The following COA8 variants were observed in gnomAD, a reference collection of about 807,000 sequenced individuals.
COA8 encodes UPF0671 protein C14orf153.
In COA8, 20 loss-of-function variants were observed where a neutral mutation model predicts 22.0. That is an observed-to-expected ratio of 0.91 (90% CI 0.64 to 1.32). The LOEUF is 1.32. Among genes scored for constraint, COA8 ranks in the 40% most tolerant of loss-of-function variants. The pLI is 0.00. For missense variants in COA8, 266 were observed against 230.0 expected, an observed-to-expected ratio of 1.16 and a Z score of -1.01; for synonymous variants, 105 against 79.9, an observed-to-expected ratio of 1.31 and a Z score of -1.68.
Position 103,585,304 on chromosome 14 carries a change from C to A in COA8, c.386-1970C>A, listed in dbSNP as rs182991250. ...GACCAGCCTGACCAACATGGAGAAACCCGTCTCTACTAAAACTACAAAAAA... is the reference window on the plus strand; with the variant it reads ...GACCAGCCTGACCAACATGGAGAAAACCGTCTCTACTAAAACTACAAAAAA... On this transcript the variant is annotated intron_variant, in intron 3 of 4. Coordinates refer to ENST00000409074, the MANE Select transcript of COA8 (RefSeq NM_001370595.2). Among the ~76,000 whole-genome samples, 1,369 of 151,404 alleles carry A rather than the reference C, an allele frequency of 9.0e-3. 24 individuals carry two copies. Among genetic ancestry groups the A allele is most frequent in the African/African-American group, 0.032 (1,324 of 41,314 alleles).
intron 3 of COA8, among the ~76,000 whole-genome samples, chr14:103,579,760 C>T (rs932827274): frequency 3.3e-5 from 5 of 151,120 alleles, no homozygotes; most frequent in African/African-American, 4.8e-5. Flanking sequence ...GTCAGGAGTT[C>T]GAGACCAGCC....
At chr14:103,566,701 C>T (rs1255799214) in intron 1 of COA8, among the ~76,000 whole-genome samples, 4 of 152,210 alleles carry the variant, frequency 2.6e-5, no homozygotes, top group Non-Finnish European at 4.4e-5. Context: ...AGTGCTTGGC[C>T]TTTGCATGGT....
intron 3 of COA8, among the ~76,000 whole-genome samples, chr14:103,586,849 G>A (rs748209782): frequency 1.3e-5 from 2 of 151,872 alleles, no homozygotes; most frequent in African/African-American, 2.4e-5. Context: ...GATTACAGGC[G>A]TGAGTCACCA....
Position 103,590,188 on chromosome 14 carries a change from TAC to T in COA8, c.486_487del (p.Tyr162Ter). On this transcript the variant is annotated frameshift_variant, in exon 5 of 5. Coordinates refer to ENST00000409074, the MANE Select transcript of COA8 (RefSeq NM_001370595.2). LOFTEE classifies it high-confidence loss of function. The part of the protein sequence containing the change: ...QKHMYYNRDW[Y>X]KRNFAITFFM... ...TCCTCTGTTTCTCTACAGAGATTGG[TAC>T]AAGCGCAATTTTGCCATCACCTTCT... is the stretch of plus-strand genomic sequence containing the variant. 6.2e-7 allele frequency: 1 copy of T among 1,614,026 alleles called. No homozygotes were observed. Among genetic ancestry groups the T allele is most frequent in the Non-Finnish European group, 8.5e-7 (1 of 1,179,934 alleles).
intron 3 of COA8, among the ~76,000 whole-genome samples, chr14:103,583,195 T>C (rs960658303): frequency 3.3e-5 from 5 of 152,198 alleles, no homozygotes; most frequent in Admixed American, 3.3e-4. Flanking sequence ...CTATTATGAA[T>C]TATGCTACTG....
intron 1 of COA8, among the ~76,000 whole-genome samples, chr14:103,568,935 A>G (rs1433660757): frequency 6.6e-6 from 1 of 152,126 alleles, no homozygotes; most frequent in Admixed American, 6.6e-5. Context: ...CCCGGCTGAA[A>G]AAAGATTTTC....
chr14:103,583,477 G>C (rs1422755549), intron 3 of COA8, among the ~76,000 whole-genome samples: 1 of 149,410 alleles, frequency 6.7e-6, no homozygotes, highest in Non-Finnish European at 1.5e-5. Flanking sequence ...GGGAGGTGGA[G>C]GTTGCAGTGA....
intron 3 of COA8, among the ~76,000 whole-genome samples, chr14:103,583,960 G>C (rs2076287131): frequency 6.6e-6 from 1 of 152,256 alleles, no homozygotes; most frequent in Non-Finnish European, 1.5e-5. Flanking sequence ...CCAGATAGCA[G>C]AGATGCACAT....
intron 3 of COA8, among the ~76,000 whole-genome samples, chr14:103,578,795 C>T (rs1291321744): frequency 6.6e-6 from 1 of 152,174 alleles, no homozygotes; most frequent in Admixed American, 6.5e-5. Flanking sequence ...TCAATGGAGT[C>T]AGGTGGCAGC....
At chr14:103,585,886 G>T (rs1354890624) in intron 3 of COA8, among the ~76,000 whole-genome samples, 5 of 145,392 alleles carry the variant, frequency 3.4e-5, no homozygotes, top group African/African-American at 1.3e-4. Flanking sequence ...GCCCTTTTTT[G>T]TTGTTTTTTG....
chr14:103,565,022 C>T (rs1017622700), intron 1 of COA8, among the ~76,000 whole-genome samples: 2 of 152,178 alleles, frequency 1.3e-5, no homozygotes, highest in Admixed American at 6.5e-5. Context: ...GGCGCAGTCT[C>T]GGCTCACTGC....
chr14:103,565,492 C>T (rs2076129212), intron 1 of COA8, among the ~76,000 whole-genome samples: 1 of 152,062 alleles, frequency 6.6e-6, no homozygotes, highest in Non-Finnish European at 1.5e-5. Context: ...ATTAGTCTGA[C>T]TCTTTTAGTT....
At position 103,571,932 on chromosome 14, in the gene COA8, C is replaced by G; in HGVS notation, c.321+112C>G. 1.4e-5 allele frequency: 12 copies of G among 870,522 alleles called. No individual in the cohort carries two copies. The South Asian group carries it at 2.0e-4, about 14-fold the overall frequency. 53.9% of individuals were successfully genotyped at this position (870,522 alleles called of 1,614,324 possible). ...CACGAGGTCAGGAGATCGAGACCAT[C>G]CTGGCTAACACGGTGAAACCCTGTC... On this transcript the variant is annotated intron_variant, in intron 2 of 4. Coordinates refer to ENST00000409074, the MANE Select transcript of COA8 (RefSeq NM_001370595.2).
At chr14:103,580,254 A>T (rs1025217869) in intron 3 of COA8, among the ~76,000 whole-genome samples, 10 of 149,892 alleles carry the variant, frequency 6.7e-5, no homozygotes, top group African/African-American at 9.8e-5. Context: ...TTTAAAAAAA[A>T]ATTTTTTTGT....
At chr14:103,566,906 C>T (rs1359347560) in intron 1 of COA8, among the ~76,000 whole-genome samples, 2 of 152,194 alleles carry the variant, frequency 1.3e-5, no homozygotes, top group East Asian at 1.9e-4. Context: ...CCACAAATAA[C>T]CATATTTTTC....
intron 4 of COA8, among the ~76,000 whole-genome samples, chr14:103,588,799 G>A (rs772612073): frequency 3.9e-5 from 6 of 152,124 alleles, no homozygotes; most frequent in Non-Finnish European, 5.9e-5. Flanking sequence ...CCGAGATCCC[G>A]CTACTGCACT....
chr14:103,589,613 C>T (rs953858457), intron 4 of COA8, among the ~76,000 whole-genome samples: 7 of 151,086 alleles, frequency 4.6e-5, no homozygotes, highest in Non-Finnish European at 8.9e-5. Flanking sequence ...AAAAACAAAA[C>T]AAAAAAAACT....
intron 3 of COA8, among the ~76,000 whole-genome samples, chr14:103,583,870 G>T (rs1019539970): frequency 6.6e-6 from 1 of 152,196 alleles, no homozygotes; most frequent in Non-Finnish European, 1.5e-5. Context: ...TTGATAATTT[G>T]CTAGAATGGA....
At chr14:103,577,017 CAAAT>C (rs1227657454) in intron 3 of COA8, among the ~76,000 whole-genome samples, 4 of 152,328 alleles carry the variant, frequency 2.6e-5, no homozygotes, top group South Asian at 4.1e-4. Context: ...CATTTATAGA[CAAAT>C]AACGTGACTA....
Sources: gnomAD v4.1 joint callset for allele counts (sites outside exome capture counted in the v4.1 genomes callset) on GRCh38, gnomAD v4.1.1 for gene constraint, MANE v1.5 for transcripts, NCBI Gene and HGNC (gene_info 2026-07-23, HGNC 2026-07-21) for gene names.